Variants in BRMS1L observed in about 807,000 individuals in gnomAD.
BRMS1L encodes BRMS1 like transcriptional repressor.
A neutral mutation model predicts 50.3 loss-of-function variants in BRMS1L; 23 were observed. That is an observed-to-expected ratio of 0.46 (90% CI 0.33 to 0.65). The LOEUF (loss-of-function observed/expected upper bound fraction) is 0.65. Among genes scored for constraint, BRMS1L ranks in the 30% least tolerant of loss-of-function variants. BRMS1L has a pLI of 0.02. For missense variants in BRMS1L, 286 were observed against 386.1 expected (o/e 0.74, Z 2.17); for synonymous variants, 114 against 126.9 (o/e 0.90, Z 0.69).
chr14:35,864,874 C>G (rs1055951646), intron 6 of BRMS1L, 61 bp from the exon 7 acceptor site: 2 of 1,187,626 alleles, frequency 1.7e-6, no homozygotes, highest in African/African-American at 3.1e-5. Context: ...AAATGTAGTA[C>G]TTTGGAAATA....
At chr14:35,835,174 T>C (rs2077975251) in intron 4 of BRMS1L, among the ~76,000 whole-genome samples, 1 of 152,158 alleles carries the variant, frequency 6.6e-6, no homozygotes, top group South Asian at 2.1e-4. Context: ...AAAAAGACTT[T>C]GCAACGATTA....
At chr14:35,863,531 T>C (rs918573706) in intron 5 of BRMS1L, among the ~76,000 whole-genome samples, 1 of 152,184 alleles carries the variant, frequency 6.6e-6, no homozygotes, top group African/African-American at 2.4e-5. Flanking sequence ...AATCTCCTTG[T>C]CTGTAAAAGG....
At position 35,858,015 on chromosome 14, in the gene BRMS1L, A is replaced by G. The variant is rs1357359312; in HGVS notation, c.442-4575A>G. Among the ~76,000 whole-genome samples the G allele has an allele frequency of 2.1e-5, 3 of 144,550 alleles. No individual in the cohort carries two copies. The East Asian group carries it at 6.0e-4, about 29-fold the overall frequency. 94.8% of individuals were successfully genotyped at this position (144,550 alleles called of 152,430 possible). A position where few individuals can be genotyped will look rare whatever the true frequency, so the allele number is the denominator to read the frequency against. On this transcript the variant is annotated intron_variant, in intron 4 of 9. Transcript: ENST00000216807. ...TTACCTAATGGACTCAAGAAAAGTA[A>G]AAAAAAAAAAAAAAGCACTGGACCT...
intron 4 of BRMS1L, among the ~76,000 whole-genome samples, chr14:35,852,370 A>G (rs753045541): frequency 5.3e-5 from 8 of 152,182 alleles, no homozygotes; most frequent in Non-Finnish European, 8.8e-5. Flanking sequence ...GCCACCCTGC[A>G]TAGCTCCAGT....
At chr14:35,855,060 C>T (rs535426572) in intron 4 of BRMS1L, among the ~76,000 whole-genome samples, 1 of 152,158 alleles carries the variant, frequency 6.6e-6, no homozygotes, top group South Asian at 2.1e-4. Flanking sequence ...TCCTTCGGGG[C>T]TTTGTGCAGA....
intron 4 of BRMS1L, among the ~76,000 whole-genome samples, chr14:35,853,010 C>A (rs917909170): frequency 6.7e-6 from 1 of 150,160 alleles, no homozygotes; most frequent in African/African-American, 2.5e-5. Flanking sequence ...ATCTATCTAT[C>A]TATCTATATA....
chr14:35,834,588 A>G (rs2077967808), intron 3 of BRMS1L, among the ~76,000 whole-genome samples: 1 of 152,168 alleles, frequency 6.6e-6, no homozygotes, highest in African/African-American at 2.4e-5. Flanking sequence ...AACATTTAGG[A>G]GTAATCTTTA....
At chr14:35,865,047 T>C in intron 7 of BRMS1L, 48 bp downstream of exon 7, 1 of 1,331,224 alleles carries the variant, frequency 7.5e-7, no homozygotes, top group Non-Finnish European at 1.0e-6. Context: ...ATAGTCTACT[T>C]TTTAAGATTC....
intron 1 of BRMS1L, among the ~76,000 whole-genome samples, chr14:35,827,359 A>C (rs1252311824): frequency 6.6e-6 from 1 of 152,166 alleles, no homozygotes; most frequent in Non-Finnish European, 1.5e-5. Context: ...ACTACAAATA[A>C]ATTTTGCAAA....
At position 35,826,347 on chromosome 14, in the gene BRMS1L, A is replaced by G. The variant is rs992798474; in HGVS notation, c.-170A>G. The G allele has an allele frequency of 7.2e-6, 7 of 976,582 alleles. No individual in the cohort carries two copies. The highest frequency in any genetic ancestry group is 3.3e-5 in the African/African-American group (2 of 60,916). 60.5% of individuals were successfully genotyped at this position (976,582 alleles called of 1,614,324 possible). A position where few individuals can be genotyped will look rare whatever the true frequency, so the allele number is the denominator to read the frequency against. On this transcript the variant is annotated 5_prime_UTR_variant, in exon 1 of 10. Transcript: ENST00000216807. ...GGCCTCCGCCAATGGCAGAGCTCCC[A>G]TCGCAGAGCCTGCGGGTTAGGTTGT...
At chr14:35,864,855 C>T (rs763647282) in intron 6 of BRMS1L, 80 bp from the exon 7 acceptor site, 6 of 1,016,560 alleles carry the variant, frequency 5.9e-6, no homozygotes, top group South Asian at 1.5e-5. Context: ...ATCATCGTTC[C>T]ATTTTCTGAA....
At chr14:35,853,943 A>G (rs1282639936) in intron 4 of BRMS1L, among the ~76,000 whole-genome samples, 1 of 152,140 alleles carries the variant, frequency 6.6e-6, no homozygotes, top group Admixed American at 6.6e-5. Context: ...GCATATCTAC[A>G]TTAATAGAAT....
At chr14:35,858,867 G>C (rs191198013) in intron 4 of BRMS1L, among the ~76,000 whole-genome samples, 34 of 152,110 alleles carry the variant, frequency 2.2e-4, no homozygotes, top group Admixed American at 2.2e-3. Context: ...AAGATAGCAA[G>C]ACAGAGGTGA....
At chr14:35,842,957 C>T (rs1007257428) in intron 4 of BRMS1L, among the ~76,000 whole-genome samples, 12 of 152,282 alleles carry the variant, frequency 7.9e-5, no homozygotes, top group Middle Eastern at 3.4e-3. Flanking sequence ...CCTTTCTCCT[C>T]TTTATCAATT....
At chr14:35,866,614 A>G (rs1433436923) in intron 8 of BRMS1L, among the ~76,000 whole-genome samples, 1 of 152,118 alleles carries the variant, frequency 6.6e-6, no homozygotes, top group South Asian at 2.1e-4. Flanking sequence ...CTGAGGTGGG[A>G]GGATCACCTG....
chr14:35,838,749 G>C (rs1232755116), intron 4 of BRMS1L, among the ~76,000 whole-genome samples: 11 of 151,732 alleles, frequency 7.2e-5, no homozygotes, highest in African/African-American at 1.9e-4. Flanking sequence ...TGTTTAAGTT[G>C]CTTGTAGATT....
chr14:35,850,333 G>A (rs921879096), intron 4 of BRMS1L, among the ~76,000 whole-genome samples: 2 of 150,966 alleles, frequency 1.3e-5, no homozygotes, highest in African/African-American at 2.4e-5. Context: ...TCAGCCTCCT[G>A]AGTAGCTGGG....
In BRMS1L at chr14:35,859,233, C is replaced by T. The variant is rs118134436; in HGVS notation, c.442-3357C>T. ...TGCTGGGAGTATAGGCGTGAGCCACCGTGCCTGGCCCATCCTACCCGTATT... is the reference window on the plus strand; with the variant it reads ...TGCTGGGAGTATAGGCGTGAGCCACTGTGCCTGGCCCATCCTACCCGTATT... On this transcript the variant is annotated intron_variant, in intron 4 of 9. Coordinates refer to ENST00000216807, the MANE Select transcript of BRMS1L (RefSeq NM_032352.4). Among the ~76,000 whole-genome samples the T allele has an allele frequency of 3.0e-3, 456 of 152,168 alleles. 2 individuals are homozygous for T. Among genetic ancestry groups the T allele is most frequent in the Admixed American group, 5.0e-3 (76 of 15,296 alleles).
chr14:35,833,190 G>A, intron 3 of BRMS1L, 85 bp downstream of exon 3: 1 of 1,354,068 alleles, frequency 7.4e-7, no homozygotes, highest in Non-Finnish European at 1.0e-6. Context: ...AGTGTTTTAT[G>A]TTGATGGGAT....
Sources: gnomAD v4.1 joint callset for allele counts (sites outside exome capture counted in the v4.1 genomes callset) on GRCh38, gnomAD v4.1.1 for gene constraint, MANE v1.5 for transcripts, NCBI Gene and HGNC (gene_info 2026-07-23, HGNC 2026-07-21) for gene names.